NREP: variants seen among roughly 807,000 people sequenced by gnomAD.
NREP encodes the protein neuronal regeneration-related protein.
A neutral mutation model predicts 8.6 loss-of-function variants in NREP; 5 were observed. That is an observed-to-expected ratio of 0.58 (90% confidence interval 0.30 to 1.22). The LOEUF (loss-of-function observed/expected upper bound fraction) is 1.22, where lower values mean the gene tolerates loss of function less well. Among genes scored for constraint, NREP ranks in the 50% most tolerant of loss-of-function variants. The pLI, the probability that NREP is intolerant of heterozygous loss-of-function variation, is 0.07. For missense variants in NREP, 86 were observed against 82.5 expected (o/e 1.04, Z -0.17); for synonymous variants, 27 against 28.0 (o/e 0.96, Z 0.11).
chr5:111,921,105 G>A (rs558532092), intron 2 of NREP, among the ~76,000 whole-genome samples: 39 of 152,092 alleles, frequency 2.6e-4, no homozygotes, highest in Admixed American at 4.6e-4. Context: ...TTCTACCAAG[G>A]ACCCTTGCCT....
chr5:111,766,382 T>C (rs1408309222), intron 2 of NREP, among the ~76,000 whole-genome samples: 3 of 152,178 alleles, frequency 2.0e-5, no homozygotes, highest in East Asian at 1.9e-4. Context: ...TCATTTTGCA[T>C]CAAAACGTCA....
intron 2 of NREP, among the ~76,000 whole-genome samples, chr5:111,790,347 C>CTTTTTTTTTTTTTTTTTTTT: frequency 3.4e-5 from 2 of 59,594 alleles, no homozygotes; most frequent in Non-Finnish European, 5.7e-5. Flanking sequence ...AAAACCTTAA[C>CTTTTTTTTTTTTTTTTTTTT]TTTTTTTTTT....
chr5:111,940,357 T>C lies in NREP; in HGVS notation c.135+34917A>G, dbSNP rs78470143. 3.4e-3 allele frequency among the ~76,000 whole-genome samples: 524 copies of C among 152,216 alleles called. 6 individuals carry two copies. Among genetic ancestry groups the C allele is most frequent in the Middle Eastern group, 0.01 (3 of 294 alleles). On this transcript the variant is annotated intron_variant, in intron 2 of 3. Coordinates refer to the NREP transcript ENST00000395634. Reference sequence around the variant, plus strand: ...CTTTTCTACCTACTGATTATCAAAGTACAGTTCAGAAGACAACCAGGAAGT... The same window carrying C: ...CTTTTCTACCTACTGATTATCAAAGCACAGTTCAGAAGACAACCAGGAAGT...
chr5:111,909,536 G>C (rs538228888), intron 2 of NREP, among the ~76,000 whole-genome samples: 1 of 152,094 alleles, frequency 6.6e-6, no homozygotes, highest in East Asian at 1.9e-4. Flanking sequence ...AGATATCATT[G>C]GGAAATAGGC....
At chr5:111,902,536 A>C (rs941890646) in intron 2 of NREP, among the ~76,000 whole-genome samples, 16 of 152,178 alleles carry the variant, frequency 1.1e-4, no homozygotes, top group African/African-American at 3.1e-4. Context: ...AGCTACCACG[A>C]GGTAGAAAGA....
At chr5:111,919,887 G>GAAAGAAAA (rs1307151340) in intron 2 of NREP, among the ~76,000 whole-genome samples, 25 of 148,688 alleles carry the variant, frequency 1.7e-4, no homozygotes, top group South Asian at 2.2e-4. Context: ...AAGAAAGAAA[G>GAAAGAAAA]AAAGAAAGAA....
intron 2 of NREP, among the ~76,000 whole-genome samples, chr5:111,919,871 GAA>G (rs1561346102): frequency 0.013 from 1,123 of 84,226 alleles, 24 homozygotes; most frequent in African/African-American, 0.037. Flanking sequence ...TGAAGAGAGA[GAA>G]AGAAAGAAAG....
intron 2 of NREP, among the ~76,000 whole-genome samples, chr5:111,861,346 G>A (rs1157738195): frequency 6.6e-6 from 1 of 152,154 alleles, no homozygotes; most frequent in Non-Finnish European, 1.5e-5. Context: ...GCATAGTAGT[G>A]ACTCTGGTGG....
At chr5:111,756,817 T>C (rs1382487217) in intron 1 of NREP, among the ~76,000 whole-genome samples, 1 of 152,120 alleles carries the variant, frequency 6.6e-6, no homozygotes, top group East Asian at 1.9e-4. Context: ...AACACAACAG[T>C]TTCTAACAAG....
intron 2 of NREP, among the ~76,000 whole-genome samples, chr5:111,905,393 G>C (rs1426225019): frequency 6.6e-6 from 1 of 152,044 alleles, no homozygotes; most frequent in Non-Finnish European, 1.5e-5. Flanking sequence ...CACCATTTTG[G>C]ATTTTTTAAA....
chr5:111,905,789 T>G (rs1421208147), intron 2 of NREP, among the ~76,000 whole-genome samples: 1 of 152,138 alleles, frequency 6.6e-6, no homozygotes, highest in Non-Finnish European at 1.5e-5. Context: ...TATTTTTATA[T>G]ATGACTTTTT....
intron 2 of NREP, among the ~76,000 whole-genome samples, chr5:111,766,428 T>C (rs1751086412): frequency 6.6e-6 from 1 of 152,118 alleles, no homozygotes. Context: ...CCCTTAACTG[T>C]GAAAGGGTTG....
chr5:111,950,581 A>G (rs933261207), intron 2 of NREP, among the ~76,000 whole-genome samples: 1 of 152,148 alleles, frequency 6.6e-6, no homozygotes, highest in Non-Finnish European at 1.5e-5. Context: ...TCTGCACGCA[A>G]AAGAAACTAT....
At chr5:111,886,099 C>G (rs1264452209) in intron 2 of NREP, among the ~76,000 whole-genome samples, 1 of 152,130 alleles carries the variant, frequency 6.6e-6, no homozygotes, top group Non-Finnish European at 1.5e-5. Context: ...TATCCAGAAT[C>G]TACAATGAAC....
upstream of NREP, among the ~76,000 whole-genome samples, chr5:111,759,133 C>A (rs1034194388): frequency 1.3e-5 from 2 of 152,164 alleles, no homozygotes; most frequent in Non-Finnish European, 2.9e-5. Flanking sequence ...AGAGGGGAGA[C>A]GCCTGGGGGC....
chr5:111,848,684 T>A (rs1006344775), intron 2 of NREP, among the ~76,000 whole-genome samples: 5 of 151,932 alleles, frequency 3.3e-5, no homozygotes, highest in African/African-American at 1.2e-4. Flanking sequence ...AAATGTGAAT[T>A]GCCAAAGACA....
At chr5:111,974,045 C>T (rs1398069561) in intron 2 of NREP, among the ~76,000 whole-genome samples, 1 of 100,460 alleles carries the variant, frequency 1.0e-5, no homozygotes, top group Non-Finnish European at 2.4e-5. Flanking sequence ...AAGCACTTGA[C>T]TGCAAGAGTT....
intron 2 of NREP, among the ~76,000 whole-genome samples, chr5:111,778,134 G>A (rs1323203885): frequency 2.0e-5 from 3 of 152,132 alleles, no homozygotes; most frequent in African/African-American, 7.2e-5. Flanking sequence ...TCAGAAGTGG[G>A]AGTGGTCTTG....
rs1223807640 is a variant in NREP at position 111,730,182 on chromosome 5, T to C, written c.*739A>G. 1.3e-5 allele frequency: 2 copies of C among 152,528 alleles called. No homozygotes were observed. The highest frequency in any genetic ancestry group is 1.3e-4 in the Admixed American group (2 of 15,274). 9.4% of individuals were successfully genotyped at this position (152,528 alleles called of 1,614,324 possible). The stretch of plus-strand genomic sequence containing the variant: ...AATGGTCTCTCACACTCTGGTAGCA[T>C]TCGCTCAACCTACAACACTGAGGAA... On this transcript the variant is annotated 3_prime_UTR_variant, in exon 4 of 4. Coordinates refer to ENST00000257435, the MANE Select transcript of NREP (RefSeq NM_004772.4).
Sources: allele counts gnomAD v4.1 joint callset (sites outside exome capture counted in the v4.1 genomes callset), GRCh38; gene constraint gnomAD v4.1.1; transcripts MANE v1.5; gene names NCBI Gene and HGNC (gene_info 2026-07-23, HGNC 2026-07-21).